SUPT16H: variants seen among roughly 807,000 people sequenced by gnomAD.
SUPT16H encodes SPT16 homolog, facilitates chromatin remodeling subunit, also known as FACT complex subunit SPT16.
SUPT16H carries 24 observed loss-of-function variants against 136.2 expected under a neutral mutation model. The observed-to-expected ratio is 0.18, with a 90% CI of 0.13 to 0.25. The LOEUF is 0.25. SUPT16H is among the 10% of genes least tolerant of loss of function. The pLI, the probability that SUPT16H is intolerant of heterozygous loss-of-function variation, is 1.00. For missense variants in SUPT16H, 623 were observed against 1,270.2 expected, an observed-to-expected ratio of 0.49 and a Z score of 7.74; for synonymous variants, 415 against 428.2, an observed-to-expected ratio of 0.97 and a Z score of 0.38.
intron 1 of SUPT16H, among the ~76,000 whole-genome samples, chr14:21,381,672 C>T (rs907387788): frequency 1.3e-5 from 2 of 150,252 alleles, no homozygotes; most frequent in East Asian, 2.0e-4. Context: ...TGCAGTGATG[C>T]GATTACAGCT....
At position 21,369,337 on chromosome 14, in the gene SUPT16H, G is replaced by C; in HGVS notation, c.649C>G (p.Leu217Val). 6.2e-7 allele frequency: 1 copy of C among 1,614,162 alleles called. No homozygotes were observed. Among genetic ancestry groups the C allele is most frequent in the African/African-American group, 1.3e-5 (1 of 75,056 alleles). ...DADEKVRHSKLAESVEKAIEE... is the reference protein window; with the variant it reads ...DADEKVRHSKVAESVEKAIEE... ...ATGGCCTTTTCCACAGACTCAGCCA[G>C]TTTGCTGTGTCGAACTTTCTGTAAG... is the stretch of plus-strand genomic sequence containing the variant. The change falls in exon 6 of 26, where the codon CTG becomes GTG. Residue 217 changes from leucine to valine, a missense_variant. Leu to Val is a conservative substitution (Grantham distance 32). Around this residue, in one of 7 missense-constraint regions of SUPT16H, gnomAD observed 343 missense variants for 525.7 expected, o/e 0.65. Coordinates refer to ENST00000216297, the MANE Select transcript of SUPT16H (RefSeq NM_007192.4).
At position 21,373,360 on chromosome 14, in the gene SUPT16H, T is replaced by C; in HGVS notation, c.137A>G (p.Tyr46Cys). The C allele has an allele frequency of 6.2e-7, 1 of 1,614,070 alleles. No homozygotes were observed. Among genetic ancestry groups the C allele is most frequent in the Non-Finnish European group, 8.5e-7 (1 of 1,179,910 alleles). The change falls in exon 2 of 26, where the codon TAT (tyrosine) becomes TGT (cysteine). Residue 46 changes from tyrosine (Y) to cysteine (C), a missense_variant. Coordinates refer to ENST00000216297, the MANE Select transcript of SUPT16H (RefSeq NM_007192.4). Reference sequence around the variant, plus strand: ...CACCTGTAAGGCAGTTGATTTGGCATAAACAATTTCTTCATCAACACCCAC... The same window carrying C: ...CACCTGTAAGGCAGTTGATTTGGCACAAACAATTTCTTCATCAACACCCAC... Reference protein sequence around the residue: ...VSVGVDEEIVYAKSTALQTWL... With the variant: ...VSVGVDEEIVCAKSTALQTWL...
intron 15 of SUPT16H, among the ~76,000 whole-genome samples, chr14:21,361,565 C>T (rs1217409177): frequency 6.6e-6 from 1 of 151,966 alleles, no homozygotes; most frequent in Non-Finnish European, 1.5e-5. Flanking sequence ...AATCTGCCTG[C>T]CTCTGCCTCC....
At position 21,369,732 on chromosome 14, in the gene SUPT16H, C is replaced by A. The variant is rs369900141; in HGVS notation, c.630+18G>T. On this transcript the variant is annotated intron_variant, in intron 5 of 25. Transcript: ENST00000216297. ...TGCTTCATTAAAACAGTAAAAAGAC[C>A]CTCTCATCTCCATTTACCTCATCTG... is the stretch of plus-strand genomic sequence containing the variant. The A allele has an allele frequency of 3.0e-5, 48 of 1,613,138 alleles. 1 individual carries two copies. In the African/African-American group the frequency reaches 4.9e-4, roughly 17 times the overall value.
intron 15 of SUPT16H, among the ~76,000 whole-genome samples, chr14:21,361,560 G>C (rs527672630): frequency 5.9e-5 from 9 of 151,912 alleles, no homozygotes; most frequent in African/African-American, 1.9e-4. Flanking sequence ...CATGTAATCT[G>C]CCTGCCTCTG....
chr14:21,366,662 T>TTTTG, intron 7 of SUPT16H, 133 bp from the exon 8 acceptor site: 2 of 794,846 alleles, frequency 2.5e-6, no homozygotes, highest in East Asian at 5.2e-5. Context: ...CTCACTTTTT[T>TTTTG]TTTTTGAGAC....
intron 1 of SUPT16H, 96 bp from the exon 2 acceptor site, chr14:21,373,526 G>A (rs1450662382): frequency 1.0e-6 from 1 of 961,744 alleles, no homozygotes; most frequent in East Asian, 2.4e-5. Context: ...ATTTTCTCCT[G>A]ATAGAAATTT....
At chr14:21,375,486 A>ACAAGTCCCTTAT (rs71112582) in intron 1 of SUPT16H, among the ~76,000 whole-genome samples, 140,622 of 152,126 alleles carry the variant, frequency 0.92, 65,106 homozygotes, top group Middle Eastern at 0.95. Context: ...TATTCTAGAC[A>ACAAGTCCCTTAT]CAGGATCTGC....
At position 21,361,311 on chromosome 14, in the gene SUPT16H, C is replaced by CTTTTT. The variant is rs35486887; in HGVS notation, c.1794-103_1794-99dup. On this transcript the variant is annotated intron_variant, in intron 15 of 25. Coordinates refer to ENST00000216297, the MANE Select transcript of SUPT16H (RefSeq NM_007192.4). ...TCTAAGCAGCTTAATCTCTACTTTG[C>CTTTTT]TTTTTTTTTTTTTTTTTTTTTTTGA... 7.3e-3 allele frequency: 3,374 copies of CTTTTT among 460,444 alleles called. 20 individuals are homozygous for CTTTTT. Among genetic ancestry groups the CTTTTT allele is most frequent in the South Asian group, 0.016 (720 of 43,740 alleles). The allele number at this position is 460,444 out of a possible 1,614,324, so 28.5% of individuals were successfully genotyped here. A position where few individuals can be genotyped will look rare whatever the true frequency, so the allele number is the denominator to read the frequency against.
intron 1 of SUPT16H, among the ~76,000 whole-genome samples, chr14:21,381,211 T>A (rs1463744052): frequency 2.0e-5 from 3 of 152,146 alleles, no homozygotes; most frequent in African/African-American, 7.2e-5. Flanking sequence ...GGGCTTAATA[T>A]TTTTGAAATT....
At position 21,362,885 on chromosome 14, in the gene SUPT16H, C is replaced by T. The variant is rs753627159; in HGVS notation, c.1574G>A (p.Arg525Gln). 1.2e-5 allele frequency: 20 copies of T among 1,613,772 alleles called. No individual in the cohort carries two copies. Among genetic ancestry groups the T allele is most frequent in the South Asian group, 2.2e-5 (2 of 91,064 alleles). ...PSLMPKEPHI[R>Q]EMKIYIDKKY... ...CTTATCGATGTAGATCTTCATTTCC[C>T]GAATATGTGGTTCCTTAGGCATCAG... is the stretch of plus-strand genomic sequence containing the variant. The change falls in exon 14 of 26, where the codon CGG becomes CAG. Residue 525 changes from arginine (R) to glutamine (Q), a missense_variant. Physicochemically the swap from Arg to Gln is conservative, Grantham distance 43. Transcript: ENST00000216297.
Position 21,370,323 on chromosome 14 carries a change from G to C in SUPT16H, c.483+13C>G, listed in dbSNP as rs866924276. 5 of 1,609,954 alleles carry C rather than the reference G, an allele frequency of 3.1e-6. No homozygotes were observed. The African/African-American group carries it at 4.0e-5, about 13-fold the overall frequency. ...CTCAACTCTTGATTTGCTATTTCCA[G>C]TAGTATTCTTACTTTGTCAAAGCCT... is the stretch of plus-strand genomic sequence containing the variant. On this transcript the variant is annotated intron_variant, in intron 4 of 25. Coordinates refer to ENST00000216297, the MANE Select transcript of SUPT16H (RefSeq NM_007192.4).
intron 3 of SUPT16H, among the ~76,000 whole-genome samples, chr14:21,371,206 T>C (rs6571797): frequency 0.82 from 124,016 of 152,082 alleles, 51,738 homozygotes; most frequent in South Asian, 0.91. Flanking sequence ...TTAAGGAAGA[T>C]TGTAATATAT....
At chr14:21,383,330 G>A in intron 1 of SUPT16H, 2 of 429,914 alleles carry the variant, frequency 4.7e-6, no homozygotes, top group East Asian at 3.9e-5. Context: ...GCAGGGCCTA[G>A]AACATGAGGC....
chr14:21,352,484 A>G lies in SUPT16H; in HGVS notation c.*189T>C. The G allele has an allele frequency of 1.2e-6, 1 of 844,762 alleles. No homozygotes were observed. Among genetic ancestry groups the G allele is most frequent in the Non-Finnish European group, 1.8e-6 (1 of 542,642 alleles). The allele number at this position is 844,762 out of a possible 1,614,324, so 52.3% of individuals were successfully genotyped here. ...CCTCCCTTGCCATCTGAATGGGGCC[A>G]TTGGCACGTGTCCTGGTGGGCCTGG... On this transcript the variant is annotated 3_prime_UTR_variant, in exon 26 of 26. Coordinates refer to ENST00000216297, the MANE Select transcript of SUPT16H (RefSeq NM_007192.4).
At chr14:21,360,568 AAT>A (rs1357387849) in intron 17 of SUPT16H, 35 bp from the exon 18 acceptor site, 2 of 1,577,754 alleles carry the variant, frequency 1.3e-6, no homozygotes, top group East Asian at 4.5e-5. Context: ...CAAGCAGTAT[AAT>A]TAAGTTAGGC....
intron 4 of SUPT16H, 126 bp downstream of exon 4, chr14:21,370,210 A>C: frequency 7.8e-7 from 1 of 1,286,668 alleles, no homozygotes; most frequent in East Asian, 2.3e-5. Context: ...TGCTCAGCCA[A>C]AGGGGATAAA....
intron 2 of SUPT16H, chr14:21,372,396 G>C: frequency 6.4e-6 from 2 of 312,058 alleles, no homozygotes; most frequent in Non-Finnish European, 1.2e-5. Flanking sequence ...ACAGAACCCT[G>C]CGTTATTACC....
At position 21,383,945 on chromosome 14, in the gene SUPT16H, C is replaced by G; in HGVS notation, c.-18G>C. On this transcript the variant is annotated 5_prime_UTR_variant, in exon 1 of 26. Coordinates refer to ENST00000216297, the MANE Select transcript of SUPT16H (RefSeq NM_007192.4). ...ACAGCCATAGCCCCGGACGCCGCTT[C>G]TCCTCGGGTTCCGAGAATCACGCGA... The G allele has an allele frequency of 1.2e-6, 2 of 1,612,326 alleles. No individual in the cohort carries two copies. Among genetic ancestry groups the G allele is most frequent in the Non-Finnish European group, 1.7e-6 (2 of 1,180,024 alleles).
Sources: gnomAD v4.1 joint callset for allele counts (sites outside exome capture counted in the v4.1 genomes callset) on GRCh38, gnomAD v4.1.1 for gene constraint, gnomAD v4.1.1 regional missense constraint, MANE v1.5 for transcripts, NCBI Gene and HGNC (gene_info 2026-07-23, HGNC 2026-07-21) for gene names.